Variants in HAP1 observed in about 807,000 individuals in gnomAD.
The protein encoded by HAP1 is huntingtin-associated protein 1.
A neutral mutation model predicts 60.3 loss-of-function variants in HAP1; 59 were observed. The observed-to-expected ratio is 0.98, with a 90% CI of 0.79 to 1.22. The LOEUF is 1.22. Ranked by LOEUF, HAP1 falls within the 50% of genes most tolerant of loss-of-function variation. The pLI, the probability that HAP1 is intolerant of heterozygous loss-of-function variation, is 0.00. For missense variants in HAP1, 825 were observed against 785.3 expected (o/e 1.05, Z -0.60); for synonymous variants, 346 against 330.6 (o/e 1.05, Z -0.50).
chr17:41,724,591 G>C lies in HAP1; in HGVS notation c.*110C>G. ...CTGACACTACGGTTCCCACTGAAGG[G>C]GATCAGAGGTGTCTATGCAAATGAT... On this transcript the variant is annotated 3_prime_UTR_variant, in exon 11 of 11. Coordinates refer to ENST00000347901, the MANE Select transcript of HAP1 (RefSeq NM_177977.3). 1 of 755,730 alleles carries C rather than the reference G, an allele frequency of 1.3e-6. No homozygotes were observed. Among genetic ancestry groups the C allele is most frequent in the Admixed American group, 2.3e-5 (1 of 43,960 alleles). 46.8% of individuals were successfully genotyped at this position (755,730 alleles called of 1,614,324 possible). A position where few individuals can be genotyped will look rare whatever the true frequency, so the allele number is the denominator to read the frequency against.
intron 6 of HAP1, among the ~76,000 whole-genome samples, chr17:41,728,744 G>A (rs1403604662): frequency 1.3e-5 from 2 of 152,132 alleles, no homozygotes; most frequent in Non-Finnish European, 2.9e-5. Context: ...GCTCACCCAG[G>A]CAAAGAAGGA....
intron 5 of HAP1, 33 bp from the exon 6 acceptor site, chr17:41,731,592 G>A: frequency 6.2e-7 from 1 of 1,602,918 alleles, no homozygotes; most frequent in Non-Finnish European, 8.5e-7. Flanking sequence ...GGACAGGGAA[G>A]TCAACACCCC....
chr17:41,720,032 G>A (rs1911135779), downstream of HAP1, among the ~76,000 whole-genome samples: 1 of 151,586 alleles, frequency 6.6e-6, no homozygotes, highest in South Asian at 2.1e-4. Context: ...TGGGATTACA[G>A]GCGCCCACCA....
At chr17:41,727,458 T>C (rs782536532) in intron 8 of HAP1, 1 of 778,046 alleles carries the variant, frequency 1.3e-6, no homozygotes, top group South Asian at 1.3e-5. Context: ...CACGCTCTGC[T>C]GGGACCCAGG....
Position 41,734,376 on chromosome 17 carries a change from A to C in HAP1, c.259T>G (p.Ser87Ala). ...GACCGGACATCCCCTTGGATGGCCG[A>C]GAATGCGGACGGGCGCCGGGCTCCT... ...KAGARRPSAFSAIQGDVRSMP... is the reference protein window; with the variant it reads ...KAGARRPSAFAAIQGDVRSMP... The change falls in exon 1 of 11, where the codon TCG becomes GCG. Residue 87 changes from serine to alanine, a missense_variant. By Grantham distance (99) the Ser-to-Ala change is moderately conservative (BLOSUM62 1). Transcript: ENST00000347901. 6.2e-7 allele frequency: 1 copy of C among 1,606,526 alleles called. No homozygotes were observed. Among genetic ancestry groups the C allele is most frequent in the East Asian group, 2.2e-5 (1 of 44,634 alleles).
intron 6 of HAP1, among the ~76,000 whole-genome samples, chr17:41,731,016 T>C (rs1912152286): frequency 6.6e-6 from 1 of 151,956 alleles, no homozygotes; most frequent in African/African-American, 2.4e-5. Flanking sequence ...GTTCAAGCAA[T>C]TCTCCCACCT....
intron 1 of HAP1, among the ~76,000 whole-genome samples, chr17:41,733,256 T>C (rs1555591664): frequency 2.0e-5 from 3 of 150,934 alleles, no homozygotes; most frequent in Non-Finnish European, 4.4e-5. Context: ...TTCACCATGT[T>C]GGCCAGGCTG....
intron 9 of HAP1, among the ~76,000 whole-genome samples, chr17:41,726,430 C>T (rs554451791): frequency 1.3e-5 from 2 of 149,814 alleles, no homozygotes; most frequent in Admixed American, 6.7e-5. Context: ...ATTAGCCAGG[C>T]TCGTGCCTGT....
rs782796980 is a variant in HAP1 at position 41,734,614 on chromosome 17, G to T, written c.21C>A (p.Gly7=). 1.4e-5 allele frequency: 21 copies of T among 1,550,714 alleles called. No homozygotes were observed. Among genetic ancestry groups the T allele is most frequent in the African/African-American group, 1.4e-5 (1 of 73,594 alleles). MRPKRL[G]RCCAGSRLGP... ...CGAGCCGGCTCCCCGCGCAGCACCG[G>T]CCCAACCTCTTCGGGCGCATCTCGA... The change falls in exon 1 of 11, where the codon GGC becomes GGA. Residue 7 remains glycine (G), a synonymous_variant. Transcript: ENST00000347901.
chr17:41,727,038 G>A lies in HAP1; in HGVS notation c.1367+15C>T, dbSNP rs1555589011. ...GCCATGGCCTATGGGGCAAGGGAGG[G>A]CCCCAGCCACGCACCTCTCCATAAA... is the stretch of plus-strand genomic sequence containing the variant. On this transcript the variant is annotated intron_variant, in intron 9 of 10. Coordinates refer to ENST00000347901, the MANE Select transcript of HAP1 (RefSeq NM_177977.3). The A allele has an allele frequency of 7.3e-7, 1 of 1,371,442 alleles. No homozygotes were observed. The highest frequency in any genetic ancestry group is 1.0e-6 in the Non-Finnish European group (1 of 977,902). The allele number at this position is 1,371,442 out of a possible 1,614,324, so 85.0% of individuals were successfully genotyped here.
intron 6 of HAP1, among the ~76,000 whole-genome samples, chr17:41,731,141 C>T (rs1912160847): frequency 1.3e-5 from 2 of 152,122 alleles, no homozygotes; most frequent in Admixed American, 1.3e-4. Flanking sequence ...AAACTCCTGA[C>T]CTCAGGTGAT....
At position 41,724,705 on chromosome 17, in the gene HAP1, C is replaced by T. The variant is rs782521106; in HGVS notation, c.1856G>A (p.Arg619Gln). 58 of 1,585,926 alleles carry T rather than the reference C, an allele frequency of 3.7e-5. No homozygotes were observed. Among genetic ancestry groups the T allele is most frequent in the South Asian group, 1.7e-4 (15 of 88,708 alleles). ...ASRTSCRSSC[R>Q] ...GAGCTTATCCACCCTCTCTTTTCATCGGCACGACGATCTGCAGCTTGTCCG... is the reference window on the plus strand; with the variant it reads ...GAGCTTATCCACCCTCTCTTTTCATTGGCACGACGATCTGCAGCTTGTCCG... The change falls in exon 11 of 11, where the codon CGA becomes CAA. Residue 619 changes from arginine to glutamine, a missense_variant. Transcript: ENST00000347901.
rs1165151574 is a variant in HAP1, at chr17:41,723,204, C to CT, written c.*1496dup. ...GCCTCTCCCGGGCTTCTCCTGCCCC[C>CT]TGGGCTGCCATGTGGCCCAGACCTG... On this transcript the variant is annotated 3_prime_UTR_variant, in exon 11 of 11. Coordinates refer to ENST00000347901, the MANE Select transcript of HAP1 (RefSeq NM_177977.3). The CT allele has an allele frequency of 4.6e-5, 7 of 152,366 alleles. No homozygotes were observed. Among genetic ancestry groups the CT allele is most frequent in the Non-Finnish European group, 1.0e-4 (7 of 68,140 alleles). The allele number at this position is 152,366 out of a possible 1,614,324, so 9.4% of individuals were successfully genotyped here.
chr17:41,727,105 G>T lies in HAP1; in HGVS notation c.1315C>A (p.Leu439Ile). ...ATCATCCTCCTTAGAGACGTTCTGAGCTCCTCAGCCAGCGTCTCCTGGAAA... is the reference window on the plus strand; with the variant it reads ...ATCATCCTCCTTAGAGACGTTCTGATCTCCTCAGCCAGCGTCTCCTGGAAA... ...PGFQETLAEE[L>I]RTSLRRMISD... is the part of the protein sequence containing the mutation. The change falls in exon 9 of 11, where the codon CTC (leucine) becomes ATC (isoleucine). Residue 439 changes from leucine (L) to isoleucine (I), a missense_variant. By Grantham distance (5) the Leu-to-Ile change is conservative (BLOSUM62 2). Transcript: ENST00000347901. The T allele has an allele frequency of 6.3e-7, 1 of 1,595,084 alleles. No individual in the cohort carries two copies. Among genetic ancestry groups the T allele is most frequent in the Non-Finnish European group, 8.6e-7 (1 of 1,166,878 alleles).
At chr17:41,718,303 C>A (rs200459826), downstream of HAP1, 95 of 200,076 alleles carry the variant, frequency 4.7e-4, no homozygotes, top group East Asian at 8.5e-3. Flanking sequence ...AGATAAAGGA[C>A]AGCAATTTTT....
intron 1 of HAP1, among the ~76,000 whole-genome samples, chr17:41,733,352 CT>C (rs1226491607): frequency 0.15 from 10,991 of 74,304 alleles, 604 homozygotes; most frequent in Middle Eastern, 0.26. Flanking sequence ...CCGCGCCCGG[CT>C]TTTTTTTTTT....
chr17:41,734,403 C>T lies in HAP1; in HGVS notation c.232G>A (p.Ala78Thr), dbSNP rs1260857999. Residue 78 changes from alanine to threonine, a missense_variant, in exon 1 of 11, where the codon GCA (alanine) becomes ACA (threonine). Ala to Thr is a moderately conservative substitution (Grantham distance 58). Transcript: ENST00000347901. ...ARPASEAGAK[A>T]GARRPSAFSA... ...AATGCGGACGGGCGCCGGGCTCCTG[C>T]CTTGGCTCCAGCCTCCGAGGCCGGG... 3 of 1,607,824 alleles carry T rather than the reference C, an allele frequency of 1.9e-6. No individual in the cohort carries two copies. Among genetic ancestry groups the T allele is most frequent in the South Asian group, 1.1e-5 (1 of 90,970 alleles).
At chr17:41,727,218 A>T in intron 8 of HAP1, 74 bp from the exon 9 acceptor site, 1 of 851,676 alleles carries the variant, frequency 1.2e-6, no homozygotes, top group East Asian at 2.4e-5. Context: ...CACAGAAGGG[A>T]ACTGGGATCT....
intron 6 of HAP1, among the ~76,000 whole-genome samples, chr17:41,729,112 T>G (rs995406326): frequency 2.0e-5 from 3 of 151,790 alleles, no homozygotes; most frequent in Non-Finnish European, 4.4e-5. Flanking sequence ...AGTTAATTTT[T>G]GTATTTTTAG....
Sources: allele counts gnomAD v4.1 joint callset (sites outside exome capture counted in the v4.1 genomes callset), GRCh38; gene constraint gnomAD v4.1.1; transcripts MANE v1.5; gene names NCBI Gene and HGNC (gene_info 2026-07-23, HGNC 2026-07-21).